SPIDR: variants seen among roughly 807,000 people sequenced by gnomAD.
The protein encoded by SPIDR is DNA repair-scaffolding protein.
A neutral mutation model predicts 104.6 loss-of-function variants in SPIDR; 93 were observed. That is an observed-to-expected ratio of 0.89 (90% confidence interval 0.75 to 1.06). SPIDR has a LOEUF of 1.06. SPIDR is among the 50% of genes least tolerant of loss of function. The probability of loss-of-function intolerance (pLI) is 0.00; values close to 1 mark genes in which losing one functional copy is unlikely to be tolerated. For missense variants in SPIDR, 1,154 were observed against 1,111.2 expected, an observed-to-expected ratio of 1.04 and a Z score of -0.55; for synonymous variants, 431 against 416.9, an observed-to-expected ratio of 1.03 and a Z score of -0.41.
At chr8:47,682,215 C>G (rs1208038493) in intron 11 of SPIDR, among the ~76,000 whole-genome samples, 1 of 142,528 alleles carries the variant, frequency 7.0e-6, no homozygotes, top group Non-Finnish European at 1.5e-5. Flanking sequence ...AAGGAGCATG[C>G]TACAACATGG....
chr8:47,472,689 A>T (rs1161149918), intron 8 of SPIDR, among the ~76,000 whole-genome samples: 2 of 152,192 alleles, frequency 1.3e-5, no homozygotes, highest in African/African-American at 4.8e-5. Context: ...GACATCACTG[A>T]CCTCAAAATA....
At chr8:47,285,035 G>A (rs984882606) in intron 3 of SPIDR, among the ~76,000 whole-genome samples, 3 of 152,152 alleles carry the variant, frequency 2.0e-5, no homozygotes, top group Non-Finnish European at 4.4e-5. Context: ...CTAAACATTC[G>A]CAGTCTGTTT....
rs116426590 is a variant in SPIDR, at chr8:47,364,382, C to T, written c.526-31994C>T. On this transcript the variant is annotated intron_variant, in intron 5 of 19. Transcript: ENST00000297423. ...AGTTCACCTGGAGAGTTACTGCCAT[C>T]GTGTTGGCCTAATTTGGGTCAAAAG... 1.7e-3 allele frequency among the ~76,000 whole-genome samples: 254 copies of T among 152,304 alleles called. 1 individual carries two copies. Among genetic ancestry groups the T allele is most frequent in the African/African-American group, 5.9e-3 (244 of 41,572 alleles).
At chr8:47,708,293 C>T (rs1380320212) in intron 14 of SPIDR, among the ~76,000 whole-genome samples, 3 of 152,188 alleles carry the variant, frequency 2.0e-5, no homozygotes, top group East Asian at 3.9e-4. Context: ...AGCGAGACTC[C>T]GTCTCAAAAA....
intron 1 of SPIDR, among the ~76,000 whole-genome samples, chr8:47,268,046 C>T (rs945296448): frequency 2.6e-5 from 4 of 152,114 alleles, no homozygotes; most frequent in South Asian, 2.1e-4. Flanking sequence ...TCATTCTTTT[C>T]GATGTGGATA....
chr8:47,268,050 G>A (rs2034463157), intron 1 of SPIDR, among the ~76,000 whole-genome samples: 1 of 152,144 alleles, frequency 6.6e-6, no homozygotes, highest in African/African-American at 2.4e-5. Flanking sequence ...TCTTTTCGAT[G>A]TGGATACCCA....
intron 11 of SPIDR, among the ~76,000 whole-genome samples, chr8:47,682,603 CTG>C (rs1384489031): frequency 6.6e-6 from 1 of 152,086 alleles, no homozygotes; most frequent in African/African-American, 2.4e-5. Context: ...AAAAAGAAAA[CTG>C]AATGTCTAGA....
chr8:47,706,078 A>C (rs1387512371), intron 14 of SPIDR, among the ~76,000 whole-genome samples: 8 of 152,020 alleles, frequency 5.3e-5, no homozygotes, highest in Admixed American at 5.2e-4. Flanking sequence ...TCAATATCCC[A>C]CACCCACAGT....
chr8:47,558,796 C>T (rs536976567), intron 8 of SPIDR, among the ~76,000 whole-genome samples: 62 of 152,236 alleles, frequency 4.1e-4, no homozygotes, highest in Middle Eastern at 3.4e-3. Context: ...CCCACCACCA[C>T]GCCCAGCTAA....
intron 8 of SPIDR, chr8:47,592,468 G>A: frequency 7.0e-7 from 1 of 1,429,810 alleles, no homozygotes; most frequent in Non-Finnish European, 9.9e-7. Context: ...TCCCTCAAAG[G>A]GGGAAGGAAT....
chr8:47,348,162 G>A (rs1332537921), intron 5 of SPIDR, among the ~76,000 whole-genome samples: 2 of 152,120 alleles, frequency 1.3e-5, no homozygotes, highest in Non-Finnish European at 2.9e-5. Context: ...AACTCTCTCA[G>A]CATTTGCTTT....
At chr8:47,317,038 C>T (rs1337530881) in intron 5 of SPIDR, among the ~76,000 whole-genome samples, 8 of 152,102 alleles carry the variant, frequency 5.3e-5, no homozygotes, top group African/African-American at 1.2e-4. Flanking sequence ...ACGTAGAAGA[C>T]GAGTGATTTC....
At position 47,374,709 on chromosome 8, in the gene SPIDR, T is replaced by C. The variant is rs1291916717; in HGVS notation, c.526-21667T>C. ...TTATGGACAGCTTGGCTTTCAGTTATACCTAATTTAATCAAGGAGACAAAG... is the reference window on the plus strand; with the variant it reads ...TTATGGACAGCTTGGCTTTCAGTTACACCTAATTTAATCAAGGAGACAAAG... On this transcript the variant is annotated intron_variant, in intron 5 of 19. Coordinates refer to ENST00000297423, the MANE Select transcript of SPIDR (RefSeq NM_001080394.4). Among the ~76,000 whole-genome samples, 4 of 152,182 alleles carry C rather than the reference T, an allele frequency of 2.6e-5. No homozygotes were observed. The East Asian group carries it at 7.7e-4, about 29-fold the overall frequency.
intron 8 of SPIDR, among the ~76,000 whole-genome samples, chr8:47,517,328 A>G (rs2154378860): frequency 6.6e-6 from 1 of 152,296 alleles, no homozygotes; most frequent in East Asian, 1.9e-4. Context: ...TAAAAAAATA[A>G]TTATTACTAT....
intron 10 of SPIDR, among the ~76,000 whole-genome samples, chr8:47,644,436 C>T (rs1008405142): frequency 6.6e-6 from 1 of 152,180 alleles, no homozygotes; most frequent in African/African-American, 2.4e-5. Context: ...TTACTGAGTG[C>T]TTGCTAGGCA....
intron 7 of SPIDR, among the ~76,000 whole-genome samples, chr8:47,412,400 A>G (rs2063659650): frequency 6.6e-6 from 1 of 152,252 alleles, no homozygotes; most frequent in Non-Finnish European, 1.5e-5. Flanking sequence ...CACAGGGACC[A>G]TGCTTCAGGC....
At chr8:47,468,247 GA>G (rs2075194743) in intron 8 of SPIDR, among the ~76,000 whole-genome samples, 1 of 152,182 alleles carries the variant, frequency 6.6e-6, no homozygotes. Flanking sequence ...TTAATAGGAA[GA>G]ATCAATAGCA....
chr8:47,619,018 C>T (rs933514149), intron 10 of SPIDR, among the ~76,000 whole-genome samples: 1 of 152,172 alleles, frequency 6.6e-6, no homozygotes, highest in African/African-American at 2.4e-5. Flanking sequence ...ACTTTAATTG[C>T]CCCATGGGAG....
intron 8 of SPIDR, among the ~76,000 whole-genome samples, chr8:47,489,189 G>T (rs2154365674): frequency 6.6e-6 from 1 of 152,272 alleles, no homozygotes; most frequent in South Asian, 2.1e-4. Context: ...AAAATCACAA[G>T]CATTCTTATA....
Sources: allele counts gnomAD v4.1 joint callset (sites outside exome capture counted in the v4.1 genomes callset), GRCh38; gene constraint gnomAD v4.1.1; transcripts MANE v1.5; gene names NCBI Gene and HGNC (gene_info 2026-07-23, HGNC 2026-07-21).